Variants in ABCA7 observed in about 807,000 individuals in gnomAD.
ABCA7 encodes the protein phospholipid-transporting ATPase ABCA7.
Under a neutral mutation model 227.6 loss-of-function variants are expected in ABCA7, and 261 were observed. The ratio of observed to expected loss-of-function variants is 1.15; its 90% confidence interval spans 1.04 to 1.27. ABCA7 has a LOEUF of 1.27. Ranked by LOEUF, ABCA7 falls within the 50% of genes most tolerant of loss-of-function variation. The pLI is 0.00. For missense variants in ABCA7, 3,331 were observed against 2,924.5 expected (o/e 1.14, Z -3.21); for synonymous variants, 1,488 against 1,279.7 (o/e 1.16, Z -3.47).
Position 1,050,419 on chromosome 19 carries a change from T to A in ABCA7, c.2553-502T>A, listed in dbSNP as rs931235111. ...AGAGTGAGACTCTGTCACAAAAAAA[T>A]AAAAATAAACAAATAAATAAAAATA... is the stretch of plus-strand genomic sequence containing the variant. On this transcript the variant is annotated intron_variant, in intron 18 of 46. Transcript: ENST00000263094. Among the ~76,000 whole-genome samples the A allele has an allele frequency of 4.6e-4, 62 of 133,516 alleles. 2 individuals carry two copies. In the South Asian group the frequency reaches 9.8e-3, roughly 21 times the overall value. 87.6% of individuals were successfully genotyped at this position (133,516 alleles called of 152,430 possible).
chr19:1,042,101 G>T lies in ABCA7; in HGVS notation c.340G>T (p.Gly114Ter). 1.3e-6 allele frequency: 2 copies of T among 1,598,518 alleles called. No individual in the cohort carries two copies. The highest frequency in any genetic ancestry group is 8.5e-7 in the Non-Finnish European group (1 of 1,178,860). Reference sequence around the variant, plus strand: ...GCTAGCCGATGCCCGCACTGTGCTGGGAGGGGCCAGTGCCCACAGGACGCT... The same window carrying T: ...GCTAGCCGATGCCCGCACTGTGCTGTGAGGGGCCAGTGCCCACAGGACGCT... ...RLLADARTVL[G>*]GASAHRTLAG... The change falls in exon 5 of 47, where the codon GGA (glycine) becomes TGA (stop). Residue 114 changes from glycine to a stop codon, truncating the protein, a stop_gained. Transcript: ENST00000263094. LOFTEE classifies it high-confidence loss of function.
At position 1,056,845 on chromosome 19, in the gene ABCA7, G is replaced by T. The variant is rs2042296419; in HGVS notation, c.4587-62G>T. 3.9e-6 allele frequency: 6 copies of T among 1,551,668 alleles called. No individual in the cohort carries two copies. Among genetic ancestry groups the T allele is most frequent in the Non-Finnish European group, 4.4e-6 (5 of 1,136,564 alleles). ...CTTTGTCCCATCAATGGCGTGTTCA[G>T]CTCTGCTCTGAGCAACCCATGCACC... On this transcript the variant is annotated intron_variant, in intron 33 of 46. Coordinates refer to ENST00000263094, the MANE Select transcript of ABCA7 (RefSeq NM_019112.4). The surrounding 1 kb of genome is among the most constrained non-coding windows in gnomAD (Gnocchi z 4.3).
At position 1,054,025 on chromosome 19, in the gene ABCA7, C is replaced by T. The variant is rs370830009; in HGVS notation, c.3492C>T (p.His1164=). Residue 1164 remains histidine, a synonymous_variant, in exon 26 of 47, where the codon CAC becomes CAT. Transcript: ENST00000263094. This position sits in a 1 kb window ranked among gnomAD's most constrained non-coding sequence, Gnocchi z 4.8. The part of the protein sequence containing the change: ...TDMEDGSCGQ[H]LCTGIAGLDV... Reference sequence around the variant, plus strand: ...CTGCAGATGGCAGCTGCGGGCAGCACCTATGCACAGGCATTGCTGGCCTAG... The same window carrying T: ...CTGCAGATGGCAGCTGCGGGCAGCATCTATGCACAGGCATTGCTGGCCTAG... 8 of 1,613,332 alleles carry T rather than the reference C, an allele frequency of 5.0e-6. No individual in the cohort carries two copies. The highest frequency in any genetic ancestry group is 6.8e-6 in the Non-Finnish European group (8 of 1,179,956).
Position 1,055,908 on chromosome 19 carries a change from C to A in ABCA7, c.4207C>A (p.Leu1403Met). 1 of 1,592,898 alleles carries A rather than the reference C, an allele frequency of 6.3e-7. No homozygotes were observed. ...KTYPRLVRQG[L>M]KTKKWVNEVR... Reference sequence around the variant, plus strand: ...TGTCTCTGTCCATCTCTCCCACAGCCTGAAGACTAAGAAGTGGGTGAATGA... The same window carrying A: ...TGTCTCTGTCCATCTCTCCCACAGCATGAAGACTAAGAAGTGGGTGAATGA... The change falls in exon 31 of 47, where the codon CTG becomes ATG. Residue 1403 changes from leucine to methionine, a missense_variant and splice_region_variant. Coordinates refer to ENST00000263094, the MANE Select transcript of ABCA7 (RefSeq NM_019112.4).
At chr19:1,041,076 C>T (rs965649378) in intron 1 of ABCA7, 149 bp from the exon 2 acceptor site, 3 of 528,586 alleles carry the variant, frequency 5.7e-6, no homozygotes, top group Admixed American at 3.2e-5. Flanking sequence ...ATCTTTAAGT[C>T]CCCAGCTGTC....
chr19:1,042,258 T>C (rs1333487692), intron 5 of ABCA7, 57 bp from the exon 6 acceptor site: 6 of 1,569,190 alleles, frequency 3.8e-6, no homozygotes, highest in Non-Finnish European at 5.2e-6. Flanking sequence ...AGGGTGGGGG[T>C]GGGTGCCTCA....
intron 12 of ABCA7, among the ~76,000 whole-genome samples, chr19:1,045,791 G>A (rs1252321796): frequency 3.3e-5 from 5 of 151,974 alleles, no homozygotes; most frequent in Admixed American, 6.6e-5. Context: ...ACGAGGTCAG[G>A]AGATCAAGAC....
rs2042715035 is a variant in ABCA7 at position 1,062,322 on chromosome 19, A to C, written c.5712+9A>C. On this transcript the variant is annotated intron_variant, in intron 42 of 46. Coordinates refer to ENST00000263094, the MANE Select transcript of ABCA7 (RefSeq NM_019112.4). ...AGGCCCAGGTTGCCCAGGTGAGCCC[A>C]CTTTGTCCCCACCGCTCTCACCTCC... The C allele has an allele frequency of 8.1e-6, 13 of 1,600,216 alleles. No homozygotes were observed. Among genetic ancestry groups the C allele is most frequent in the Non-Finnish European group, 1.1e-5 (13 of 1,178,972 alleles).
At chr19:1,051,800 C>A in intron 21 of ABCA7, 142 bp from the exon 22 acceptor site, 1 of 1,239,864 alleles carries the variant, frequency 8.1e-7, no homozygotes, top group African/African-American at 1.5e-5. Context: ...GAAAAGGTTT[C>A]CAACAAGGAG....
At chr19:1,059,882 A>G (rs145491164) in intron 40 of ABCA7, among the ~76,000 whole-genome samples, 53 of 152,316 alleles carry the variant, frequency 3.5e-4, no homozygotes, top group African/African-American at 1.2e-3. Flanking sequence ...TCTTGAGCCA[A>G]CAAAACCTCA....
chr19:1,055,211 G>A lies in ABCA7; in HGVS notation c.4065G>A (p.Leu1355=), dbSNP rs577257024. 2 of 1,609,856 alleles carry A rather than the reference G, an allele frequency of 1.2e-6. No homozygotes were observed. Among genetic ancestry groups the A allele is most frequent in the South Asian group, 2.2e-5 (2 of 90,668 alleles). The change falls in exon 30 of 47, where the codon CTG becomes CTA. Residue 1355 remains leucine, a synonymous_variant. Transcript: ENST00000263094. ...GTAGCCGGCCCGGTGCCCGGCGCCT[G>A]CTGCCCGACTGCCCGGCTGCAGCTG... ...CQCSRPGARR[L]LPDCPAAAGG... is the part of the protein sequence containing the mutation.
chr19:1,054,290 T>C lies in ABCA7; in HGVS notation c.3675T>C (p.Leu1225=). 1 of 1,606,910 alleles carries C rather than the reference T, an allele frequency of 6.2e-7. No homozygotes were observed. Among genetic ancestry groups the C allele is most frequent in the Non-Finnish European group, 8.5e-7 (1 of 1,179,360 alleles). ...CCCGCCAGCAGCTCCAGGCCCTGCT[T>C]CTCAAGCGCTTTCTGCTTGCCCGCC... ...ALTRQQLQAL[L]LKRFLLARRS... Residue 1225 remains leucine (L), a synonymous_variant, in exon 27 of 47, where the codon CTT becomes CTC. Transcript: ENST00000263094. The surrounding 1 kb of genome is among the most constrained non-coding windows in gnomAD (Gnocchi z 4.8).
intron 43 of ABCA7, 37 bp downstream of exon 43, chr19:1,063,715 C>T (rs1216984609): frequency 1.4e-5 from 22 of 1,554,662 alleles, no homozygotes; most frequent in Non-Finnish European, 1.8e-5. Flanking sequence ...GTGGGGCCTG[C>T]GACGGAGGCG....
intron 23 of ABCA7, 60 bp downstream of exon 23, chr19:1,052,346 T>TGAG: frequency 4.8e-6 from 5 of 1,049,592 alleles, no homozygotes; most frequent in Admixed American, 3.7e-5. Context: ...TGCCTTAACT[T>TGAG]GAGGAGGAGG....
rs374387665 is a variant in ABCA7 at position 1,061,935 on chromosome 19, C to T, written c.5570+47C>T. ...CAGGGTGGGGCAGGGTTGGCCCTGA[C>T]GTCCTTGTGCTTCCCCACCCCTCCA... On this transcript the variant is annotated intron_variant, in intron 41 of 46. Transcript: ENST00000263094. The T allele has an allele frequency of 2.3e-4, 348 of 1,512,946 alleles. 1 individual carries two copies. Among genetic ancestry groups the T allele is most frequent in the Non-Finnish European group, 2.9e-4 (328 of 1,128,452 alleles). 93.7% of individuals were successfully genotyped at this position (1,512,946 alleles called of 1,614,324 possible). A position where few individuals can be genotyped will look rare whatever the true frequency, so the allele number is the denominator to read the frequency against.
chr19:1,053,263 C>T (rs2041935393), intron 23 of ABCA7, 66 bp from the exon 24 acceptor site: 3 of 1,512,474 alleles, frequency 2.0e-6, no homozygotes, highest in Non-Finnish European at 2.7e-6. Context: ...ACCAATGCCT[C>T]TTCCCCAGGG....
chr19:1,054,625 C>T lies in ABCA7; in HGVS notation c.3782C>T (p.Pro1261Leu), dbSNP rs368194702. The T allele has an allele frequency of 3.7e-6, 6 of 1,613,284 alleles. No individual in the cohort carries two copies. The highest frequency in any genetic ancestry group is 5.1e-6 in the Non-Finnish European group (6 of 1,179,974). The change falls in exon 28 of 47, where the codon CCT becomes CTT. Residue 1261 changes from proline (P) to leucine (L), a missense_variant. Pro to Leu is a moderately conservative substitution (Grantham distance 98). Transcript: ENST00000263094. The surrounding 1 kb of genome is among the most constrained non-coding windows in gnomAD (Gnocchi z 4.8). ...GLALVFSLIV[P>L]PFGHYPALRL... Reference sequence around the variant, plus strand: ...GCCCTCGTGTTCAGCCTCATCGTGCCTCCTTTCGGGCACTACCCGGCTCTG... The same window carrying T: ...GCCCTCGTGTTCAGCCTCATCGTGCTTCCTTTCGGGCACTACCCGGCTCTG...
At chr19:1,063,718 C>T in intron 43 of ABCA7, 40 bp downstream of exon 43, 1 of 1,554,136 alleles carries the variant, frequency 6.4e-7, no homozygotes. Context: ...GGGCCTGCGA[C>T]GGAGGCGGGG....
Position 1,047,343 on chromosome 19 carries a change from C to G in ABCA7, c.2032C>G (p.Arg678Gly), listed in dbSNP as rs765181604. ...YLPYVLCVAWRDRLPAGGRVA... is the reference protein window; with the variant it reads ...YLPYVLCVAWGDRLPAGGRVA... Reference sequence around the variant, plus strand: ...GCCCTACGTGCTGTGTGTGGCTTGGCGGGACCGGCTGCCCGCGGGTGGCCG... The same window carrying G: ...GCCCTACGTGCTGTGTGTGGCTTGGGGGGACCGGCTGCCCGCGGGTGGCCG... Residue 678 changes from arginine to glycine, a missense_variant, in exon 15 of 47, where the codon CGG becomes GGG. Arg to Gly is a moderately radical substitution (Grantham distance 125). Transcript: ENST00000263094. The G allele has an allele frequency of 6.9e-6, 11 of 1,583,550 alleles. No individual in the cohort carries two copies. The African/African-American group carries it at 1.4e-4, about 19-fold the overall frequency.
Sources: allele counts gnomAD v4.1 joint callset (sites outside exome capture counted in the v4.1 genomes callset), GRCh38; gene constraint gnomAD v4.1.1; non-coding constraint Gnocchi (gnomAD v3.1); transcripts MANE v1.5; gene names NCBI Gene and HGNC (gene_info 2026-07-23, HGNC 2026-07-21).